The following EMC3 variants were observed in gnomAD, a reference collection of about 807,000 sequenced individuals.
EMC3 encodes 30 kDa protein.
Under a neutral mutation model 36.6 loss-of-function variants are expected in EMC3, and 13 were observed. That is an observed-to-expected ratio of 0.35 (90% CI 0.23 to 0.56). The LOEUF (loss-of-function observed/expected upper bound fraction) is 0.56, where lower values mean the gene tolerates loss of function less well. EMC3 is among the 20% of genes least tolerant of loss of function. The probability of loss-of-function intolerance (pLI) is 0.84; values close to 1 mark genes in which losing one functional copy is unlikely to be tolerated. For synonymous variants in EMC3, 120 were observed against 111.9 expected (o/e 1.07, Z -0.46); for missense variants, 220 against 324.5 (o/e 0.68, Z 2.47).
chr3:9,976,909 C>G, intron 3 of EMC3, 48 bp downstream of exon 3: 1 of 1,384,370 alleles, frequency 7.2e-7, no homozygotes, highest in Non-Finnish European at 1.0e-6. Context: ...CACTCAAATA[C>G]CCATGTTAAA....
chr3:10,000,022 G>A (rs1232678521), intron 1 of EMC3, among the ~76,000 whole-genome samples: 6 of 151,976 alleles, frequency 3.9e-5, no homozygotes, highest in Admixed American at 1.3e-4. Context: ...AGTTTTTGTT[G>A]TTGTTGTTGT....
At position 9,969,590 on chromosome 3, in the gene EMC3, T is replaced by G. The variant is rs772961602; in HGVS notation, c.657+129A>C. On this transcript the variant is annotated intron_variant, in intron 7 of 7. Coordinates refer to ENST00000245046, the MANE Select transcript of EMC3 (RefSeq NM_001394674.1). ...TCAGGAAAGAGAGACGTGTAAACTA[T>G]GTTTTTACTAAGTTTAAATTAAAAC... is the stretch of plus-strand genomic sequence containing the variant. 8 of 1,543,128 alleles carry G rather than the reference T, an allele frequency of 5.2e-6. 1 individual carries two copies. In the South Asian group the frequency reaches 9.5e-5, roughly 18 times the overall value.
At chr3:9,996,611 A>G (rs1453864280) in intron 1 of EMC3, among the ~76,000 whole-genome samples, 1 of 152,128 alleles carries the variant, frequency 6.6e-6, no homozygotes, top group Admixed American at 6.5e-5. Context: ...CCTTTCTTGG[A>G]TCCCCAGTCA....
intron 1 of EMC3, among the ~76,000 whole-genome samples, chr3:9,996,141 G>A (rs1309527348): frequency 6.6e-6 from 1 of 152,148 alleles, no homozygotes; most frequent in Admixed American, 6.6e-5. Context: ...ACTTCACGTG[G>A]GCTTGCTTTT....
intron 1 of EMC3, chr3:10,004,055 C>T (rs2086234722): frequency 6.6e-6 from 1 of 152,192 alleles, no homozygotes; most frequent in African/African-American, 2.4e-5. Context: ...CAATGTGCCA[C>T]CATGGATATT....
intron 1 of EMC3, among the ~76,000 whole-genome samples, chr3:9,994,764 G>T (rs2086102808): frequency 6.6e-6 from 1 of 151,978 alleles, no homozygotes; most frequent in Non-Finnish European, 1.5e-5. Context: ...TAGAGACAGG[G>T]TTTCACCATG....
At chr3:9,995,619 G>A (rs1559357484) in intron 1 of EMC3, among the ~76,000 whole-genome samples, 1 of 151,552 alleles carries the variant, frequency 6.6e-6, no homozygotes, top group East Asian at 1.9e-4. Flanking sequence ...CCACATCCAG[G>A]TAAGAAGCAA....
chr3:9,974,321 T>C (rs1000466282), intron 4 of EMC3, 63 bp downstream of exon 4: 2 of 1,079,278 alleles, frequency 1.9e-6, no homozygotes, highest in African/African-American at 3.1e-5. Flanking sequence ...CCTGTGATAT[T>C]AGTGTCTCAC....
In EMC3 at chr3:9,999,305, G is replaced by A. The variant is rs111381850; in HGVS notation, c.-242+11718C>T. On this transcript the variant is annotated intron_variant, in intron 1 of 8. Transcript: ENST00000470827. ...TCACCAGGCTGGAGTGCAGTGGTAC[G>A]ATCTCGACTCTCTGCAATCTCTACC... 2.4e-4 allele frequency among the ~76,000 whole-genome samples: 36 copies of A among 150,972 alleles called. 1 individual carries two copies. Among genetic ancestry groups the A allele is most frequent in the African/African-American group, 8.3e-4 (34 of 41,054 alleles).
At chr3:10,006,059 C>G (rs959053906) in intron 1 of EMC3, among the ~76,000 whole-genome samples, 1 of 152,182 alleles carries the variant, frequency 6.6e-6, no homozygotes, top group African/African-American at 2.4e-5. Context: ...GAAGCCAGAT[C>G]GGGGAAGCCA....
chr3:9,984,382 T>C (rs560071671), intron 1 of EMC3, among the ~76,000 whole-genome samples: 4 of 152,042 alleles, frequency 2.6e-5, no homozygotes, highest in Non-Finnish European at 5.9e-5. Flanking sequence ...ACCCGGCCAG[T>C]AAGTTGACTT....
At chr3:9,968,581 T>C (rs1040547896) in intron 7 of EMC3, 2 of 152,254 alleles carry the variant, frequency 1.3e-5, no homozygotes, top group Non-Finnish European at 2.9e-5. Flanking sequence ...CTTTCAGTCT[T>C]TCACCATTGA....
intron 5 of EMC3, among the ~76,000 whole-genome samples, chr3:9,971,528 A>G (rs2085785003): frequency 6.6e-6 from 1 of 152,192 alleles, no homozygotes; most frequent in Admixed American, 6.5e-5. Context: ...GTCTGAATAC[A>G]ATGTTGCTGA....
intron 1 of EMC3, among the ~76,000 whole-genome samples, chr3:9,999,377 G>T (rs1210214484): frequency 6.6e-6 from 1 of 151,982 alleles, no homozygotes; most frequent in Admixed American, 6.6e-5. Context: ...GTGTAGCTGG[G>T]ACTATGGGCC....
chr3:10,008,206 C>T, intron 1 of EMC3: 1 of 369,020 alleles, frequency 2.7e-6, no homozygotes, highest in Non-Finnish European at 5.4e-6. Flanking sequence ...GGGCACATTC[C>T]CCAGGCGTGG....
At chr3:9,988,035 C>T, upstream of EMC3, 1 of 723,494 alleles carries the variant, frequency 1.4e-6, no homozygotes, top group Non-Finnish European at 2.5e-6. Context: ...AATTGCCACC[C>T]TTTTCCTCAC....
At chr3:10,002,076 T>C (rs965673442) in intron 1 of EMC3, among the ~76,000 whole-genome samples, 3 of 141,752 alleles carry the variant, frequency 2.1e-5, no homozygotes, top group African/African-American at 5.6e-5. Flanking sequence ...TTTTGGCAAT[T>C]TGGGGGTCCC....
Position 9,974,413 on chromosome 3 carries a change from A to G in EMC3, c.383T>C (p.Ile128Thr). 6.2e-7 allele frequency: 1 copy of G among 1,613,772 alleles called. No homozygotes were observed. Among genetic ancestry groups the G allele is most frequent in the Non-Finnish European group, 8.5e-7 (1 of 1,179,648 alleles). The change falls in exon 4 of 8, where the codon ATC (isoleucine) becomes ACC (threonine). Residue 128 changes from isoleucine (I) to threonine (T), a missense_variant. By Grantham distance (89) the Ile-to-Thr change is moderately conservative (BLOSUM62 -1). Around this residue, in one of 3 missense-constraint regions of EMC3, gnomAD observed 127 missense variants for 174.6 expected, o/e 0.73. Coordinates refer to ENST00000245046, the MANE Select transcript of EMC3 (RefSeq NM_001394674.1). ...VLPMILIGGW[I>T]NMTFSGFVTT... ...GACAAAGCCTGAGAATGTCATGTTG[A>G]TCCATCCACCAATAAGAATCATAGG...
At chr3:9,992,254 GGGATT>G (rs1340782743) in intron 1 of EMC3, among the ~76,000 whole-genome samples, 1 of 152,060 alleles carries the variant, frequency 6.6e-6, no homozygotes, top group Non-Finnish European at 1.5e-5. Context: ...CTGAGTAGCT[GGGATT>G]GCAGGCAGTT....
Sources: allele counts gnomAD v4.1 joint callset (sites outside exome capture counted in the v4.1 genomes callset), GRCh38; gene constraint gnomAD v4.1.1; regional missense constraint gnomAD v4.1.1; transcripts MANE v1.5; gene names NCBI Gene and HGNC (gene_info 2026-07-23, HGNC 2026-07-21).